LUZP2: variants seen among roughly 807,000 people sequenced by gnomAD.
LUZP2 encodes leucine zipper protein 2.
LUZP2 carries 52 observed loss-of-function variants against 51.6 expected under a neutral mutation model. The observed-to-expected ratio is 1.01, with a 90% CI of 0.81 to 1.27. The LOEUF is 1.27. LUZP2 is among the 50% of genes most tolerant of loss of function. The probability of loss-of-function intolerance (pLI) is 0.00; values close to 1 mark genes in which losing one functional copy is unlikely to be tolerated. For synonymous variants in LUZP2, 154 were observed against 137.3 expected, an observed-to-expected ratio of 1.12 and a Z score of -0.85; for missense variants, 436 against 395.4, an observed-to-expected ratio of 1.10 and a Z score of -0.87.
intron 7 of LUZP2, among the ~76,000 whole-genome samples, chr11:24,916,336 T>TA (rs1290148403): frequency 6.6e-6 from 1 of 152,116 alleles, no homozygotes; most frequent in Non-Finnish European, 1.5e-5. Flanking sequence ...TTATTTTTTT[T>TA]ATTTTCTTTT....
At chr11:24,872,161 C>G (rs1415955346) in intron 5 of LUZP2, among the ~76,000 whole-genome samples, 1 of 152,072 alleles carries the variant, frequency 6.6e-6, no homozygotes, top group Non-Finnish European at 1.5e-5. Flanking sequence ...CTACATTGGG[C>G]TATCAATTTC....
intron 5 of LUZP2, among the ~76,000 whole-genome samples, chr11:24,775,525 G>C (rs551004318): frequency 1.3e-4 from 20 of 152,202 alleles, no homozygotes; most frequent in Non-Finnish European, 2.1e-4. Context: ...TCTCAAGGGT[G>C]TTGTAGACTT....
chr11:24,544,089 T>G (rs1242425121), intron 1 of LUZP2, among the ~76,000 whole-genome samples: 1 of 151,860 alleles, frequency 6.6e-6, no homozygotes, highest in Admixed American at 6.6e-5. Context: ...CTTTAAAATA[T>G]CATTCCAACT....
chr11:24,530,197 A>G (rs1255166863), intron 1 of LUZP2, among the ~76,000 whole-genome samples: 1 of 149,798 alleles, frequency 6.7e-6, no homozygotes, highest in Non-Finnish European at 1.5e-5. Context: ...TGCAATGTAC[A>G]TGATTATGAA....
At chr11:25,018,688 A>G (rs928855719) in intron 9 of LUZP2, among the ~76,000 whole-genome samples, 3 of 147,976 alleles carry the variant, frequency 2.0e-5, no homozygotes, top group Non-Finnish European at 3.0e-5. Flanking sequence ...GCTCACTGTA[A>G]TCTCTAGCTC....
At chr11:24,921,956 A>T (rs187420362) in intron 7 of LUZP2, among the ~76,000 whole-genome samples, 2 of 152,150 alleles carry the variant, frequency 1.3e-5, no homozygotes, top group African/African-American at 4.8e-5. Context: ...ACAATGAAAG[A>T]ATTGAAGTCT....
intron 1 of LUZP2, among the ~76,000 whole-genome samples, chr11:24,545,462 G>A (rs552412438): frequency 6.6e-6 from 1 of 150,826 alleles, no homozygotes; most frequent in African/African-American, 2.4e-5. Context: ...ACTATGTGGT[G>A]TAAAAAAGGG....
chr11:24,750,047 G>T (rs1220715845), intron 4 of LUZP2, among the ~76,000 whole-genome samples: 1 of 152,100 alleles, frequency 6.6e-6, no homozygotes, highest in Admixed American at 6.6e-5. Context: ...TCCCTTAAAA[G>T]AATTATCTAC....
chr11:24,545,125 A>AT (rs1014723539), intron 1 of LUZP2, among the ~76,000 whole-genome samples: 183 of 146,370 alleles, frequency 1.3e-3, no homozygotes, highest in African/African-American at 4.2e-3. Context: ...CCACTCTTTA[A>AT]TTTTTTTTTT....
intron 5 of LUZP2, among the ~76,000 whole-genome samples, chr11:24,788,672 T>A (rs781759164): frequency 9.2e-5 from 14 of 152,110 alleles, no homozygotes; most frequent in Non-Finnish European, 7.3e-5. Flanking sequence ...TACTATTTAT[T>A]TTCAATAATT....
chr11:25,018,982 G>A (rs1857247681), intron 9 of LUZP2, among the ~76,000 whole-genome samples: 1 of 152,124 alleles, frequency 6.6e-6, no homozygotes, highest in Non-Finnish European at 1.5e-5. Context: ...AAAGTAAAGA[G>A]AGTTCCCAAA....
rs1187449426 is a variant in LUZP2, at chr11:24,926,649, A to ATG, written c.522+12119_522+12120dup. On this transcript the variant is annotated intron_variant, in intron 7 of 11. Transcript: ENST00000336930. ...TGTGTGTATATATGTATATATATAT[A>ATG]TGTGTGTGTATATATATATGTGTGT... 1.9e-4 allele frequency among the ~76,000 whole-genome samples: 23 copies of ATG among 123,684 alleles called. No homozygotes were observed. The East Asian group carries it at 5.1e-3, about 28-fold the overall frequency. The allele number at this position is 123,684 out of a possible 152,430, so 81.1% of individuals were successfully genotyped here.
At chr11:24,869,430 A>G (rs1851990582) in intron 5 of LUZP2, among the ~76,000 whole-genome samples, 1 of 151,716 alleles carries the variant, frequency 6.6e-6, no homozygotes, top group Admixed American at 6.6e-5. Flanking sequence ...GAATTCTCAT[A>G]TTATTTCAAA....
intron 1 of LUZP2, among the ~76,000 whole-genome samples, chr11:24,512,683 A>G (rs894289015): frequency 6.6e-6 from 1 of 151,978 alleles, no homozygotes; most frequent in African/African-American, 2.4e-5. Flanking sequence ...TACTTTTTGT[A>G]TACTAAATAT....
intron 10 of LUZP2, among the ~76,000 whole-genome samples, chr11:25,070,848 A>C (rs557516812): frequency 6.6e-6 from 1 of 150,788 alleles, no homozygotes; most frequent in East Asian, 1.9e-4. Flanking sequence ...ACTGCCTGAC[A>C]AAATAAGAAA....
In LUZP2 at chr11:24,732,346, A is replaced by G. The variant is rs377289668; in HGVS notation, c.251+158A>G. ...TCACTTGGGAATCTTGTTCAAATGC[A>G]GATTCTTACACAACTGGGGTGGGCT... On this transcript the variant is annotated intron_variant, in intron 3 of 11. Transcript: ENST00000336930. Among the ~76,000 whole-genome samples the G allele has an allele frequency of 4.0e-3, 604 of 151,920 alleles. 1 individual carries two copies. Among genetic ancestry groups the G allele is most frequent in the Non-Finnish European group, 6.8e-3 (462 of 67,782 alleles).
intron 1 of LUZP2, among the ~76,000 whole-genome samples, chr11:24,628,104 TG>T (rs1369762843): frequency 6.6e-6 from 1 of 152,092 alleles, no homozygotes; most frequent in African/African-American, 2.4e-5. Flanking sequence ...CAGGGTTGCA[TG>T]GCACACTGTT....
chr11:24,789,195 T>C (rs1281886770), intron 5 of LUZP2, among the ~76,000 whole-genome samples: 1 of 152,182 alleles, frequency 6.6e-6, no homozygotes, highest in African/African-American at 2.4e-5. Flanking sequence ...TTGGCTTTCA[T>C]TTGAGTTTGC....
chr11:24,687,492 C>T (rs776606427), intron 1 of LUZP2, among the ~76,000 whole-genome samples: 1 of 152,150 alleles, frequency 6.6e-6, no homozygotes, highest in Admixed American at 6.5e-5. Context: ...GTCCGTTTTA[C>T]ACACTAAGGT....
Sources: allele counts gnomAD v4.1 joint callset (sites outside exome capture counted in the v4.1 genomes callset), GRCh38; gene constraint gnomAD v4.1.1; transcripts MANE v1.5; gene names NCBI Gene and HGNC (gene_info 2026-07-23, HGNC 2026-07-21).